The following PRKDC variants were observed in gnomAD, a reference collection of about 807,000 sequenced individuals.
PRKDC encodes the protein DNA-dependent protein kinase catalytic subunit.
A neutral mutation model predicts 486.9 loss-of-function variants in PRKDC; 82 were observed. The observed-to-expected ratio is 0.17, with a 90% CI of 0.14 to 0.20. The LOEUF (loss-of-function observed/expected upper bound fraction) is 0.20, where lower values mean the gene tolerates loss of function less well. Among genes scored for constraint, PRKDC ranks in the 10% least tolerant of loss-of-function variants. The probability of loss-of-function intolerance (pLI) is 1.00; values close to 1 mark genes in which losing one functional copy is unlikely to be tolerated. For missense variants in PRKDC, 4,504 were observed against 5,038.2 expected (o/e 0.89, Z 3.21); for synonymous variants, 1,895 against 1,837.0 (o/e 1.03, Z -0.81).
At position 47,936,338 on chromosome 8, in the gene PRKDC, G is replaced by T. The variant is rs1212059850; in HGVS notation, c.1278+15C>A. The stretch of plus-strand genomic sequence containing the variant: ...GATTAAATACTTAAAATTGTGCTCA[G>T]TTTAGTTCACTTACTGTGTCAAGGT... On this transcript the variant is annotated intron_variant, in intron 12 of 85. Transcript: ENST00000314191. 1 of 1,597,296 alleles carries T rather than the reference G, an allele frequency of 6.3e-7. No individual in the cohort carries two copies. The highest frequency in any genetic ancestry group is 8.5e-7 in the Non-Finnish European group (1 of 1,171,380).
intron 36 of PRKDC, among the ~76,000 whole-genome samples, chr8:47,883,656 A>G (rs888065660): frequency 2.0e-5 from 3 of 152,158 alleles, no homozygotes; most frequent in African/African-American, 7.2e-5. Flanking sequence ...AACTCATTTC[A>G]TTTTTAATTT....
intron 80 of PRKDC, among the ~76,000 whole-genome samples, chr8:47,781,956 C>G (rs981763247): frequency 1.3e-5 from 2 of 152,186 alleles, no homozygotes. Context: ...TTCCCCCCAC[C>G]CAAAGTTAAT....
Position 47,956,466 on chromosome 8 carries a change from G to A in PRKDC, c.325-518C>T, listed in dbSNP as rs919802396. Among the ~76,000 whole-genome samples, 7 of 151,660 alleles carry A rather than the reference G, an allele frequency of 4.6e-5. No homozygotes were observed. In the East Asian group the frequency reaches 5.8e-4, roughly 13 times the overall value. ...TGTAAGCAATTTGGGAGGCGGAGAC[G>A]GGAAGATCACTTAAGCCCAGGAGTT... On this transcript the variant is annotated intron_variant, in intron 3 of 85. Transcript: ENST00000314191.
At chr8:47,785,452 G>T in intron 76 of PRKDC, 135 bp from the exon 77 acceptor site, 1 of 750,830 alleles carries the variant, frequency 1.3e-6, no homozygotes, top group Non-Finnish European at 2.1e-6. Flanking sequence ...GTATAGTTTT[G>T]GTTGGGCATG....
intron 36 of PRKDC, among the ~76,000 whole-genome samples, chr8:47,884,192 T>C (rs537740762): frequency 6.6e-6 from 1 of 152,340 alleles, no homozygotes; most frequent in East Asian, 1.9e-4. Context: ...AGGGAGTCAC[T>C]GCCTCCTGCC....
rs568082214 is a variant in PRKDC, at chr8:47,877,701, G to T, written c.5363+23C>A. 1.9e-6 allele frequency: 3 copies of T among 1,550,530 alleles called. No individual in the cohort carries two copies. In the African/African-American group the frequency reaches 4.1e-5, roughly 21 times the overall value. On this transcript the variant is annotated intron_variant, in intron 40 of 85. Coordinates refer to ENST00000314191, the MANE Select transcript of PRKDC (RefSeq NM_006904.7). Reference sequence around the variant, plus strand: ...AAACTGAAATGCGTATGGTTCCTGAGATCCCAGGCCAGAATGACTTACCTT... The same window carrying T: ...AAACTGAAATGCGTATGGTTCCTGATATCCCAGGCCAGAATGACTTACCTT...
rs1197592553 is a variant in PRKDC at position 47,893,307 on chromosome 8, C to G, written c.3679G>C (p.Gly1227Arg). Reference sequence around the variant, plus strand: ...ATGCCCGAGGGCTGGCCACAGCCACCCCCCTCAAAGGTGTTGATGAGAAAA... The same window carrying G: ...ATGCCCGAGGGCTGGCCACAGCCACGCCCCTCAAAGGTGTTGATGAGAAAA... Reference protein sequence around the residue: ...VSFLINTFEGGGCGQPSGILA... With the variant: ...VSFLINTFEGRGCGQPSGILA... Residue 1227 changes from glycine to arginine, a missense_variant, in exon 31 of 86, where the codon GGT (glycine) becomes CGT (arginine). Coordinates refer to ENST00000314191, the MANE Select transcript of PRKDC (RefSeq NM_006904.7). 1.2e-6 allele frequency: 2 copies of G among 1,607,452 alleles called. No individual in the cohort carries two copies. The highest frequency in any genetic ancestry group is 2.2e-5 in the East Asian group (1 of 44,686).
chr8:47,912,273 A>G, intron 25 of PRKDC, 137 bp downstream of exon 25: 2 of 981,844 alleles, frequency 2.0e-6, no homozygotes, highest in Non-Finnish European at 2.8e-6. Flanking sequence ...CAATTAAACC[A>G]GAGCACCTGG....
At chr8:47,814,036 C>T (rs187789509) in intron 68 of PRKDC, among the ~76,000 whole-genome samples, 108 of 152,242 alleles carry the variant, frequency 7.1e-4, no homozygotes, top group African/African-American at 2.4e-3. Flanking sequence ...TCATCATGAC[C>T]GTATTGGGTT....
intron 25 of PRKDC, among the ~76,000 whole-genome samples, chr8:47,908,845 A>G (rs2089842056): frequency 6.6e-6 from 1 of 152,216 alleles, no homozygotes; most frequent in South Asian, 2.1e-4. Context: ...TAATTTATTT[A>G]TAGTTCGTTT....
intron 74 of PRKDC, among the ~76,000 whole-genome samples, chr8:47,794,065 G>A (rs900125946): frequency 6.6e-6 from 1 of 152,180 alleles, no homozygotes; most frequent in Non-Finnish European, 1.5e-5. Context: ...CATATGAGCA[G>A]AATGTTTTGT....
intron 85 of PRKDC, among the ~76,000 whole-genome samples, chr8:47,775,936 C>T (rs1335240217): frequency 6.6e-6 from 1 of 151,310 alleles, no homozygotes; most frequent in East Asian, 2.0e-4. Flanking sequence ...TCATTCTCCT[C>T]CCTCAGCCTC....
At chr8:47,805,652 T>C (rs2087202135) in intron 69 of PRKDC, among the ~76,000 whole-genome samples, 1 of 152,236 alleles carries the variant, frequency 6.6e-6, no homozygotes, top group South Asian at 2.1e-4. Flanking sequence ...AATTGACCCA[T>C]TTTTTATTTA....
intron 52 of PRKDC, among the ~76,000 whole-genome samples, chr8:47,850,445 T>A (rs2088376911): frequency 6.6e-6 from 1 of 152,068 alleles, no homozygotes; most frequent in Non-Finnish European, 1.5e-5. Flanking sequence ...ACAGAAACTA[T>A]CATGAAAATA....
intron 19 of PRKDC, among the ~76,000 whole-genome samples, chr8:47,928,745 G>A (rs1333263392): frequency 6.6e-6 from 1 of 151,880 alleles, no homozygotes; most frequent in South Asian, 2.1e-4. Context: ...GTACAGTAGT[G>A]CAATCTCAGC....
intron 52 of PRKDC, 127 bp from the exon 53 acceptor site, chr8:47,849,630 G>T: frequency 9.3e-7 from 1 of 1,070,504 alleles, no homozygotes; most frequent in Non-Finnish European, 1.3e-6. Flanking sequence ...CTACAAGGTA[G>T]ATGATGGGAC....
At chr8:47,953,302 G>A (rs1180445389) in intron 7 of PRKDC, among the ~76,000 whole-genome samples, 1 of 152,086 alleles carries the variant, frequency 6.6e-6, no homozygotes, top group Non-Finnish European at 1.5e-5. Context: ...GCAAGATTCT[G>A]TCTCAAAAAA....
In PRKDC at chr8:47,864,573, T is replaced by G. The variant is rs1421500427; in HGVS notation, c.5554A>C (p.Lys1852Gln). The part of the protein sequence containing the change: ...TIVVDAIDVL[K>Q]SRFTKLNEST... ...TATGATACCTTTGTAAACCTGGACT[T>G]CAACACATCAATGGCATCCACCACA... Residue 1852 changes from lysine (K) to glutamine (Q), a missense_variant, in exon 41 of 86, where the codon AAG becomes CAG. Coordinates refer to ENST00000314191, the MANE Select transcript of PRKDC (RefSeq NM_006904.7). 6.2e-7 allele frequency: 1 copy of G among 1,608,826 alleles called. No homozygotes were observed.
chr8:47,803,477 T>G lies in PRKDC; in HGVS notation c.9751A>C (p.Asn3251His). Residue 3251 changes from asparagine (N) to histidine (H), a missense_variant, in exon 70 of 86, where the codon AAT becomes CAT. By Grantham distance (68) the Asn-to-His change is moderately conservative. Around this residue, in one of 6 missense-constraint regions of PRKDC, gnomAD observed 1,592 missense variants for 1,724.6 expected, o/e 0.92. Coordinates refer to ENST00000314191, the MANE Select transcript of PRKDC (RefSeq NM_006904.7). ...KMIDSARKQN[N>H]FSLAMKLLKE... ...AGTAGTTTCATAGCAAGTGAGAAATTGTTCTGTATGAATACAATAAAAAGA... is the reference window on the plus strand; with the variant it reads ...AGTAGTTTCATAGCAAGTGAGAAATGGTTCTGTATGAATACAATAAAAAGA... The G allele has an allele frequency of 1.9e-6, 3 of 1,613,788 alleles. No individual in the cohort carries two copies. In the South Asian group the frequency reaches 3.3e-5, roughly 18 times the overall value.
Sources: gnomAD v4.1 joint callset for allele counts (sites outside exome capture counted in the v4.1 genomes callset) on GRCh38, gnomAD v4.1.1 for gene constraint, gnomAD v4.1.1 regional missense constraint, MANE v1.5 for transcripts, NCBI Gene and HGNC (gene_info 2026-07-23, HGNC 2026-07-21) for gene names.